The following SEC13 variants were observed in gnomAD, a reference collection of about 807,000 sequenced individuals.
SEC13 encodes the protein protein SEC13 homolog.
Under a neutral mutation model 49.2 loss-of-function variants are expected in SEC13, and 25 were observed. That is an observed-to-expected ratio of 0.51 (90% CI 0.37 to 0.71). The LOEUF is 0.71. Among genes scored for constraint, SEC13 ranks in the 30% least tolerant of loss-of-function variants. The pLI is 0.00. For missense variants in SEC13, 383 were observed against 417.6 expected (o/e 0.92, Z 0.72); for synonymous variants, 148 against 163.9 (o/e 0.90, Z 0.74).
At chr3:10,314,769 A>AAT in intron 3 of SEC13, among the ~76,000 whole-genome samples, 1 of 152,358 alleles carries the variant, frequency 6.6e-6, no homozygotes, top group East Asian at 1.9e-4. Context: ...GTAAATAATC[A>AAT]CTGAACACGT....
chr3:10,301,396 G>GAT (rs1017919374), intron 8 of SEC13, 22 bp from the exon 9 acceptor site: 1 of 1,614,046 alleles, frequency 6.2e-7, no homozygotes, highest in African/African-American at 1.3e-5. Context: ...TGCACAAGCA[G>GAT]ATTATCACGG....
At chr3:10,305,214 C>G in intron 6 of SEC13, 58 bp from the exon 7 acceptor site, 1 of 1,545,628 alleles carries the variant, frequency 6.5e-7, no homozygotes, top group Non-Finnish European at 8.7e-7. Flanking sequence ...CTCAACTCCT[C>G]CCCAACCCAA....
chr3:10,317,235 C>T lies in SEC13; in HGVS notation c.48+815G>A, dbSNP rs528967485. 2.0e-5 allele frequency among the ~76,000 whole-genome samples: 3 copies of T among 152,212 alleles called. No individual in the cohort carries two copies. The South Asian group carries it at 6.2e-4, about 32-fold the overall frequency. Reference sequence around the variant, plus strand: ...TCCTGCCCATGATTCCATGCTATCTCCAAGGAGGTGTGGTCTTACAGCTAG... The same window carrying T: ...TCCTGCCCATGATTCCATGCTATCTTCAAGGAGGTGTGGTCTTACAGCTAG... On this transcript the variant is annotated intron_variant, in intron 2 of 8. Coordinates refer to ENST00000350697, the MANE Select transcript of SEC13 (RefSeq NM_183352.3).
chr3:10,318,905 TAGA>T (rs1223656999), intron 1 of SEC13, among the ~76,000 whole-genome samples: 1 of 152,236 alleles, frequency 6.6e-6, no homozygotes, highest in East Asian at 1.9e-4. Context: ...TTCTCCCCAC[TAGA>T]AGGTGAGCTC....
chr3:10,305,713 G>T, intron 5 of SEC13, 21 bp from the exon 6 acceptor site: 1 of 1,613,814 alleles, frequency 6.2e-7, no homozygotes, highest in Non-Finnish European at 8.5e-7. Context: ...GGGACACATG[G>T]TGACTCTGCC....
At chr3:10,315,031 T>G in intron 3 of SEC13, 1 of 312,274 alleles carries the variant, frequency 3.2e-6, no homozygotes, top group Non-Finnish European at 6.0e-6. Context: ...GATGAGCAGA[T>G]GAAGGCTCTG....
At position 10,305,635 on chromosome 3, in the gene SEC13, G is replaced by GGTCT. The variant is rs1219901499; in HGVS notation, c.504_507dup (p.His170ArgfsTer20). On this transcript the variant is annotated frameshift_variant, in exon 6 of 9. Transcript: ENST00000350697. LOFTEE classifies it high-confidence loss of function. ...TAATTGGGTTTCTGCCCCGATGGGT[G>GGTCT]GTCTATGAGGCTTCCAGGTACAACA... The GGTCT allele has an allele frequency of 6.2e-7, 1 of 1,614,084 alleles. No homozygotes were observed. Among genetic ancestry groups the GGTCT allele is most frequent in the African/African-American group, 1.3e-5 (1 of 74,938 alleles).
Position 10,305,597 on chromosome 3 carries a change from A to T in SEC13, c.546T>A (p.Phe182Leu). The change falls in exon 6 of 9, where the codon TTT (phenylalanine) becomes TTA (leucine). Residue 182 changes from phenylalanine to leucine, a missense_variant. Transcript: ENST00000350697. ...TGAGGTTGTCACAGCCACCTGATGC[A>T]AACCTCTTGATGTAATTGGGTTTCT... Reference protein sequence around the residue: ...SGQKPNYIKRFASGGCDNLIK... With the variant: ...SGQKPNYIKRLASGGCDNLIK... 6.2e-7 allele frequency: 1 copy of T among 1,614,150 alleles called. No individual in the cohort carries two copies. Among genetic ancestry groups the T allele is most frequent in the South Asian group, 1.1e-5 (1 of 91,086 alleles).
In SEC13 at chr3:10,306,524, G is replaced by C. The variant is rs533316289; in HGVS notation, c.451-832C>G. On this transcript the variant is annotated intron_variant, in intron 5 of 8. Transcript: ENST00000350697. ...GATACTCTAATTCCATCCTTTCTTTGTCATTTATTCCATGGAATGCTCCAG... is the reference window on the plus strand; with the variant it reads ...GATACTCTAATTCCATCCTTTCTTTCTCATTTATTCCATGGAATGCTCCAG... Among the ~76,000 whole-genome samples the C allele has an allele frequency of 2.6e-5, 4 of 152,214 alleles. No individual in the cohort carries two copies. The South Asian group carries it at 8.3e-4, about 32-fold the overall frequency.
chr3:10,316,942 G>A (rs1229128747), intron 2 of SEC13, among the ~76,000 whole-genome samples: 2 of 150,824 alleles, frequency 1.3e-5, no homozygotes, highest in Non-Finnish European at 3.0e-5. Flanking sequence ...CGTAGGTTGC[G>A]GTGAGCTGAG....
intron 8 of SEC13, 89 bp downstream of exon 8, chr3:10,303,937 G>A (rs1287381891): frequency 6.9e-7 from 1 of 1,455,726 alleles, no homozygotes; most frequent in South Asian, 1.2e-5. Flanking sequence ...CCAGCCTGCA[G>A]TCAGATGGGA....
At chr3:10,307,435 C>G (rs1700955120) in intron 5 of SEC13, among the ~76,000 whole-genome samples, 1 of 152,022 alleles carries the variant, frequency 6.6e-6, no homozygotes, top group Admixed American at 6.6e-5. Context: ...CTGATAAAGA[C>G]ATACCTGAGA....
chr3:10,307,212 C>CTT (rs35883236), intron 5 of SEC13, among the ~76,000 whole-genome samples: 1 of 141,284 alleles, frequency 7.1e-6, no homozygotes, highest in African/African-American at 2.6e-5. Context: ...GAGCCACTGC[C>CTT]TTTTTTTTTT....
chr3:10,310,503 C>T (rs1005908149), intron 5 of SEC13, among the ~76,000 whole-genome samples: 1 of 152,022 alleles, frequency 6.6e-6, no homozygotes, highest in Non-Finnish European at 1.5e-5. Flanking sequence ...AAAAACAGAA[C>T]AAAACAAACC....
chr3:10,319,811 G>GAT (rs2059737050), intron 1 of SEC13, among the ~76,000 whole-genome samples: 1 of 26,580 alleles, frequency 3.8e-5, no homozygotes, highest in Admixed American at 4.0e-4. Flanking sequence ...GGGGGGGGGG[G>GAT]GGGGGAGGAA....
chr3:10,303,527 T>C (rs1052953979), intron 8 of SEC13: 1 of 205,026 alleles, frequency 4.9e-6, no homozygotes, highest in South Asian at 9.0e-5. Context: ...CAGAACTCTT[T>C]CAGCTGCAAA....
intron 8 of SEC13, among the ~76,000 whole-genome samples, chr3:10,302,427 G>A (rs696220): frequency 0.42 from 63,604 of 152,016 alleles, 14,518 homozygotes; most frequent in East Asian, 0.93. Context: ...TGGAGACAGC[G>A]AAAGGAAACA....
chr3:10,308,933 A>ATTTTTTT (rs56801249), intron 5 of SEC13, among the ~76,000 whole-genome samples: 1 of 102,364 alleles, frequency 9.8e-6, no homozygotes, highest in African/African-American at 4.1e-5. Flanking sequence ...CCTGGCCTTG[A>ATTTTTTT]TTTTTTTTTT....
chr3:10,304,572 C>G (rs1700745641), intron 7 of SEC13, among the ~76,000 whole-genome samples: 1 of 152,136 alleles, frequency 6.6e-6, no homozygotes, highest in African/African-American at 2.4e-5. Flanking sequence ...AGAACCAAAC[C>G]AAACAGGTTC....
Sources: allele counts gnomAD v4.1 joint callset (sites outside exome capture counted in the v4.1 genomes callset), GRCh38; gene constraint gnomAD v4.1.1; transcripts MANE v1.5; gene names NCBI Gene and HGNC (gene_info 2026-07-23, HGNC 2026-07-21).